Variants in MASP1 observed in about 807,000 individuals in gnomAD.
MASP1 encodes mannan-binding lectin serine protease 1.
In MASP1, 59 loss-of-function variants were observed where a neutral mutation model predicts 77.1. That is an observed-to-expected ratio of 0.77 (90% confidence interval 0.62 to 0.95). The LOEUF (loss-of-function observed/expected upper bound fraction) is 0.95. Among genes scored for constraint, MASP1 ranks in the 40% least tolerant of loss-of-function variants. The probability of loss-of-function intolerance (pLI) is 0.00; values close to 1 mark genes in which losing one functional copy is unlikely to be tolerated. For missense variants in MASP1, 885 were observed against 912.9 expected (o/e 0.97, Z 0.39); for synonymous variants, 362 against 354.5 (o/e 1.02, Z -0.24).
chr3:187,237,274 C>T (rs1560240009), intron 10 of MASP1, among the ~76,000 whole-genome samples: 1 of 152,188 alleles, frequency 6.6e-6, no homozygotes, highest in Non-Finnish European at 1.5e-5. Context: ...GGTGAGTAAA[C>T]CTCCTGAGTT....
At chr3:187,280,655 T>A (rs970579094) in intron 2 of MASP1, among the ~76,000 whole-genome samples, 4 of 152,248 alleles carry the variant, frequency 2.6e-5, no homozygotes, top group African/African-American at 9.6e-5. Context: ...AGGGATTTTT[T>A]AATGGTAAGT....
chr3:187,259,038 G>C (rs557891161), intron 4 of MASP1, among the ~76,000 whole-genome samples: 1 of 152,296 alleles, frequency 6.6e-6, no homozygotes, highest in South Asian at 2.1e-4. Flanking sequence ...TAAGTTCTGT[G>C]AGTGCAGGAA....
In MASP1 at chr3:187,262,582, C is replaced by T. The variant is rs750848055; in HGVS notation, c.376G>A (p.Glu126Lys). Residue 126 changes from glutamate to lysine, a missense_variant, in exon 3 of 11, where the codon GAG becomes AAG. By Grantham distance (56) the Glu-to-Lys change is moderately conservative. Transcript: ENST00000296280. ...TGGGCATCAAAGCCTGTGAAACGCT[C>T]CTCATTGGAGAAATCTGACCGGAAA... ...ITFRSDFSNE[E>K]RFTGFDAHYM... The T allele has an allele frequency of 1.7e-5, 27 of 1,614,024 alleles. No individual in the cohort carries two copies. Among genetic ancestry groups the T allele is most frequent in the Non-Finnish European group, 2.2e-5 (26 of 1,180,036 alleles).
chr3:187,254,391 G>T (rs1714892082), intron 5 of MASP1, among the ~76,000 whole-genome samples: 1 of 152,106 alleles, frequency 6.6e-6, no homozygotes, highest in Non-Finnish European at 1.5e-5. Flanking sequence ...GAGAAGGGAA[G>T]AACACTTTAT....
At position 187,251,757 on chromosome 3, in the gene MASP1, T is replaced by G; in HGVS notation, c.893-5A>C. ...GTAGCTCTGGGCACTCATTTCCTGG[T>G]GAGGAGCAAATGAAAGAACAGCAGG... On this transcript the variant is annotated splice_polypyrimidine_tract_variant and splice_region_variant and intron_variant, in intron 6 of 10. Coordinates refer to ENST00000296280, the MANE Select transcript of MASP1 (RefSeq NM_139125.4). 6.2e-7 allele frequency: 1 copy of G among 1,608,608 alleles called. No homozygotes were observed. The highest frequency in any genetic ancestry group is 1.1e-5 in the South Asian group (1 of 90,982).
chr3:187,272,758 C>T (rs1716629530), intron 2 of MASP1, among the ~76,000 whole-genome samples: 1 of 152,170 alleles, frequency 6.6e-6, no homozygotes, highest in African/African-American at 2.4e-5. Context: ...CATGGTCCTG[C>T]AGACACCTTG....
At chr3:187,284,886 T>C (rs543539982) in intron 2 of MASP1, among the ~76,000 whole-genome samples, 2 of 152,334 alleles carry the variant, frequency 1.3e-5, no homozygotes, top group Non-Finnish European at 2.9e-5. Flanking sequence ...TTCTCTGCTG[T>C]TGACCAAATA....
chr3:187,285,127 T>C (rs186684117), intron 2 of MASP1, among the ~76,000 whole-genome samples: 29 of 147,726 alleles, frequency 2.0e-4, no homozygotes, highest in Middle Eastern at 3.4e-3. Context: ...AGCCTCACTT[T>C]AAAAGAAGAA....
intron 13 of MASP1, among the ~76,000 whole-genome samples, chr3:187,223,360 A>G (rs1441021890): frequency 1.3e-5 from 2 of 152,190 alleles, no homozygotes; most frequent in Non-Finnish European, 2.9e-5. Flanking sequence ...GCTGGGCTAC[A>G]GATTACCTGC....
chr3:187,289,221 A>G (rs1324680193), intron 1 of MASP1, among the ~76,000 whole-genome samples: 1 of 152,210 alleles, frequency 6.6e-6, no homozygotes, highest in Non-Finnish European at 1.5e-5. Context: ...ATGCCTGCAT[A>G]TATCTATGAT....
At chr3:187,247,083 A>T in intron 8 of MASP1, 1 of 1,407,562 alleles carries the variant, frequency 7.1e-7, no homozygotes, top group Non-Finnish European at 9.2e-7. Flanking sequence ...TGCTAAAATA[A>T]ATCCCACATT....
chr3:187,225,797 G>T (rs1712393728), intron 12 of MASP1, among the ~76,000 whole-genome samples: 1 of 152,206 alleles, frequency 6.6e-6, no homozygotes, highest in African/African-American at 2.4e-5. Flanking sequence ...CAGTGCCTGT[G>T]TCAAACATGA....
rs1237908655 is a variant in MASP1 at position 187,228,358 on chromosome 3, C to T, written c.1441+1402G>A. Among the ~76,000 whole-genome samples the T allele has an allele frequency of 2.6e-5, 4 of 152,060 alleles. No homozygotes were observed. In the East Asian group the frequency reaches 5.8e-4, roughly 22 times the overall value. On this transcript the variant is annotated intron_variant, in intron 11 of 15. Coordinates refer to the MASP1 transcript ENST00000337774. ...AAAATTAGGTGCACACAATCCATCTCTCTTACTTGCCCTCTAACAAAATCG... is the reference window on the plus strand; with the variant it reads ...AAAATTAGGTGCACACAATCCATCTTTCTTACTTGCCCTCTAACAAAATCG...
chr3:187,224,837 C>T (rs1451662488), intron 13 of MASP1, among the ~76,000 whole-genome samples: 1 of 152,220 alleles, frequency 6.6e-6, no homozygotes, highest in Non-Finnish European at 1.5e-5. Flanking sequence ...AGTGGTTTTT[C>T]ACCCCAGTAG....
At chr3:187,219,730 T>C in exon 16 of MASP1, 1 of 373,690 alleles carries the variant, frequency 2.7e-6, no homozygotes, top group Non-Finnish European at 5.2e-6. Context: ...TATGCATCTA[T>C]TAGTTAATCT....
chr3:187,220,465 C>CTTTCT (rs1207733461), intron 15 of MASP1, among the ~76,000 whole-genome samples: 5 of 149,316 alleles, frequency 3.3e-5, no homozygotes, highest in African/African-American at 4.9e-5. Context: ...AGACCTCTTT[C>CTTTCT]TTTCTTTTCT....
intron 11 of MASP1, among the ~76,000 whole-genome samples, chr3:187,228,285 CAAAA>C (rs57929155): frequency 9.8e-6 from 1 of 101,864 alleles, no homozygotes; most frequent in Admixed American, 1.0e-4. Context: ...GACTCCGTCT[CAAAA>C]AAAAAAAAAA....
downstream of MASP1, among the ~76,000 whole-genome samples, chr3:187,230,536 A>G (rs1453097526): frequency 6.6e-6 from 1 of 152,214 alleles, no homozygotes; most frequent in Admixed American, 6.5e-5. Flanking sequence ...AGTCACAGCT[A>G]ATAAAGAATC....
At position 187,234,802 on chromosome 3, in the gene MASP1, G is replaced by T. The variant is rs1222490716; in HGVS notation, c.*882C>A. ...TAATCGACTAAGTCCCCATATTCGG[G>T]CCTGGGCTTCAGGTAGCCTTTCAGA... On this transcript the variant is annotated 3_prime_UTR_variant, in exon 11 of 11. Coordinates refer to ENST00000296280, the MANE Select transcript of MASP1 (RefSeq NM_139125.4). 5.4e-6 allele frequency: 7 copies of T among 1,287,106 alleles called. No homozygotes were observed. In the African/African-American group the frequency reaches 1.1e-4, roughly 20 times the overall value. 79.7% of individuals were successfully genotyped at this position (1,287,106 alleles called of 1,614,324 possible).
Sources: gnomAD v4.1 joint callset for allele counts (sites outside exome capture counted in the v4.1 genomes callset) on GRCh38, gnomAD v4.1.1 for gene constraint, MANE v1.5 for transcripts, NCBI Gene and HGNC (gene_info 2026-07-23, HGNC 2026-07-21) for gene names.